MBOAT2: variants seen among roughly 807,000 people sequenced by gnomAD.
MBOAT2 encodes membrane bound glycerophospholipid O-acyltransferase 2, also known as membrane-bound glycerophospholipid O-acyltransferase 2.
A neutral mutation model predicts 63.4 loss-of-function variants in MBOAT2; 28 were observed. That is an observed-to-expected ratio of 0.44 (90% CI 0.33 to 0.61). The LOEUF is 0.61. Among genes scored for constraint, MBOAT2 ranks in the 20% least tolerant of loss-of-function variants. The pLI is 0.03. For synonymous variants in MBOAT2, 211 were observed against 215.6 expected (o/e 0.98, Z 0.19); for missense variants, 470 against 605.8 (o/e 0.78, Z 2.35).
intron 3 of MBOAT2, among the ~76,000 whole-genome samples, chr2:8,942,047 C>T (rs1045130287): frequency 6.6e-6 from 1 of 152,128 alleles, no homozygotes; most frequent in Admixed American, 6.5e-5. Flanking sequence ...ATAAAAATTG[C>T]TTCATCTGAA....
chr2:8,876,834 CAT>C (rs1342707097), intron 7 of MBOAT2, among the ~76,000 whole-genome samples, 194 bp downstream of exon 7: 8 of 152,222 alleles, frequency 5.3e-5, no homozygotes, highest in African/African-American at 1.4e-4. Context: ...GAATTTACCA[CAT>C]AGTTTCTCAA....
chr2:8,911,359 G>C (rs1243471353), intron 3 of MBOAT2, among the ~76,000 whole-genome samples: 1 of 152,194 alleles, frequency 6.6e-6, no homozygotes, highest in East Asian at 1.9e-4. Flanking sequence ...TAGGATTCAT[G>C]TGAACTGTGG....
At chr2:8,859,111 T>A (rs1255915158) in intron 12 of MBOAT2, among the ~76,000 whole-genome samples, 14 of 152,198 alleles carry the variant, frequency 9.2e-5, no homozygotes, top group Non-Finnish European at 1.6e-4. Flanking sequence ...TCCAGGCTAA[T>A]TAGAAGCCTG....
intron 4 of MBOAT2, among the ~76,000 whole-genome samples, chr2:8,907,466 G>A (rs1431005681): frequency 4.6e-5 from 7 of 152,134 alleles, no homozygotes. Flanking sequence ...ACACTATGAT[G>A]ACAATGTGAC....
At chr2:8,962,205 C>T (rs953974373) in intron 1 of MBOAT2, among the ~76,000 whole-genome samples, 3 of 152,086 alleles carry the variant, frequency 2.0e-5, no homozygotes, top group African/African-American at 7.2e-5. Context: ...CTCCATTTAC[C>T]GAGACTGAAA....
intron 1 of MBOAT2, among the ~76,000 whole-genome samples, chr2:8,979,556 A>C (rs1277734736): frequency 6.6e-6 from 1 of 152,086 alleles, no homozygotes; most frequent in Non-Finnish European, 1.5e-5. Context: ...CAGCTTAACA[A>C]GTATGTGTTG....
chr2:8,924,981 TA>T (rs1158935138), intron 3 of MBOAT2, among the ~76,000 whole-genome samples: 1 of 151,956 alleles, frequency 6.6e-6, no homozygotes, highest in South Asian at 2.1e-4. Context: ...TAAGTACATA[TA>T]AAAAAACATT....
chr2:8,947,510 A>G (rs1668499165), intron 2 of MBOAT2, among the ~76,000 whole-genome samples: 1 of 152,212 alleles, frequency 6.6e-6, no homozygotes, highest in Admixed American at 6.5e-5. Context: ...AGAGAGGAGA[A>G]GTCAACACCT....
intron 3 of MBOAT2, among the ~76,000 whole-genome samples, chr2:8,937,935 A>G (rs1297126004): frequency 5.9e-5 from 9 of 152,144 alleles, no homozygotes; most frequent in Admixed American, 5.9e-4. Flanking sequence ...AACAAGCAAG[A>G]TCACGTCAAA....
rs190591966 is a variant in MBOAT2 at position 8,995,577 on chromosome 2, A to T, written c.75+7963T>A. On this transcript the variant is annotated intron_variant, in intron 1 of 12. Transcript: ENST00000305997. ...AATGTGTTAAATATAAACATTTTTT[A>T]AAAATACATTCCATTTTTTTTTTTT... Among the ~76,000 whole-genome samples the T allele has an allele frequency of 1.4e-4, 22 of 151,910 alleles. No individual in the cohort carries two copies. The East Asian group carries it at 3.9e-3, about 27-fold the overall frequency.
intron 3 of MBOAT2, among the ~76,000 whole-genome samples, chr2:8,913,750 G>C (rs997873761): frequency 6.6e-6 from 1 of 152,198 alleles, no homozygotes; most frequent in African/African-American, 2.4e-5. Context: ...AGTCACTATG[G>C]AAAGCAGTGT....
chr2:8,933,717 G>A (rs906821339), intron 3 of MBOAT2, among the ~76,000 whole-genome samples: 4 of 152,176 alleles, frequency 2.6e-5, no homozygotes, highest in African/African-American at 9.7e-5. Flanking sequence ...TGAACTGGCA[G>A]AGCCCCATTC....
intron 1 of MBOAT2, among the ~76,000 whole-genome samples, chr2:8,961,106 T>C (rs1669574412): frequency 6.6e-6 from 1 of 152,038 alleles, no homozygotes; most frequent in South Asian, 2.1e-4. Flanking sequence ...CCTCTACATA[T>C]CCAGAACTCT....
At chr2:8,867,404 T>G (rs760323614) in intron 9 of MBOAT2, among the ~76,000 whole-genome samples, 2 of 152,200 alleles carry the variant, frequency 1.3e-5, no homozygotes, top group Non-Finnish European at 2.9e-5. Flanking sequence ...TCTCACCTCT[T>G]CTGATTCTCT....
intron 3 of MBOAT2, among the ~76,000 whole-genome samples, chr2:8,921,291 C>T (rs1008441228): frequency 2.0e-5 from 3 of 152,144 alleles, no homozygotes; most frequent in Non-Finnish European, 4.4e-5. Context: ...CATTTCATCA[C>T]AATCTATTTC....
At chr2:8,869,373 C>T (rs890254702) in intron 8 of MBOAT2, among the ~76,000 whole-genome samples, 2 of 152,102 alleles carry the variant, frequency 1.3e-5, no homozygotes, top group African/African-American at 4.8e-5. Flanking sequence ...ATCCTTTTCA[C>T]CACAATGCTC....
intron 1 of MBOAT2, among the ~76,000 whole-genome samples, chr2:8,962,965 G>A (rs868095224): frequency 1.3e-5 from 2 of 152,064 alleles, no homozygotes; most frequent in Admixed American, 6.5e-5. Flanking sequence ...GATCAGGGCC[G>A]AGCGAGGTGG....
chr2:8,976,638 G>C (rs982182748), intron 1 of MBOAT2, among the ~76,000 whole-genome samples: 1 of 152,146 alleles, frequency 6.6e-6, no homozygotes. Flanking sequence ...GAAGAAGGGG[G>C]ATGAATACCA....
intron 3 of MBOAT2, among the ~76,000 whole-genome samples, chr2:8,921,762 T>C (rs773895635): frequency 2.6e-5 from 4 of 152,216 alleles, no homozygotes; most frequent in Admixed American, 2.6e-4. Context: ...AATTTTATCA[T>C]TGCTCTCTCC....
Sources: gnomAD v4.1 joint callset for allele counts (sites outside exome capture counted in the v4.1 genomes callset) on GRCh38, gnomAD v4.1.1 for gene constraint, MANE v1.5 for transcripts, NCBI Gene and HGNC (gene_info 2026-07-23, HGNC 2026-07-21) for gene names.